The following HMCN2 variants were observed in gnomAD, a reference collection of about 807,000 sequenced individuals.
HMCN2 encodes the protein hemicentin 2.
HMCN2 carries 325 observed loss-of-function variants against 377.5 expected under a neutral mutation model. The observed-to-expected ratio is 0.86, with a 90% CI of 0.79 to 0.94. HMCN2 has a LOEUF of 0.94. Among genes scored for constraint, HMCN2 ranks in the 40% least tolerant of loss-of-function variants. HMCN2 has a pLI of 0.00. For missense variants in HMCN2, 4,543 were observed against 4,725.3 expected (o/e 0.96, Z 1.13); for synonymous variants, 2,007 against 2,046.8 (o/e 0.98, Z 0.53).
At position 130,361,613 on chromosome 9, in the gene HMCN2, G is replaced by A. The variant is rs1170953059; in HGVS notation, c.5951-395G>A. 1.3e-5 allele frequency among the ~76,000 whole-genome samples: 2 copies of A among 152,174 alleles called. No homozygotes were observed. Among genetic ancestry groups the A allele is most frequent in the Non-Finnish European group, 1.5e-5 (1 of 68,030 alleles). On this transcript the variant is annotated intron_variant, in intron 38 of 97. Coordinates refer to ENST00000683500, the MANE Select transcript of HMCN2 (RefSeq NM_001291815.2). The surrounding 1 kb of genome is among the most constrained non-coding windows in gnomAD (Gnocchi z 4.8). ...ATCTTCTGGCTATTTTCTGCCAAAA[G>A]GGGACTGCCTGTAATATGGTATTTC...
intron 66 of HMCN2, among the ~76,000 whole-genome samples, chr9:130,392,986 ACACCATCT>A (rs1249861906): frequency 3.3e-5 from 5 of 151,256 alleles, no homozygotes; most frequent in African/African-American, 4.9e-5. Context: ...ACAGAGTGAG[ACACCATCT>A]CACCATCTCA....
Position 130,407,614 on chromosome 9 carries a change from C to T in HMCN2, c.12597C>T (p.Ala4199=), listed in dbSNP as rs1162681229. 1.9e-5 allele frequency: 25 copies of T among 1,288,980 alleles called. No homozygotes were observed. The highest frequency in any genetic ancestry group is 1.1e-4 in the East Asian group (2 of 17,964). The allele number at this position is 1,288,980 out of a possible 1,614,324, so 79.8% of individuals were successfully genotyped here. ...EQDGGSTLQR[A]AVSREDSGTY... is the part of the protein sequence containing the mutation. The stretch of plus-strand genomic sequence containing the variant: ...ATGGAGGCAGCACGCTGCAGCGGGC[C>T]GCTGTCTCCAGAGAAGACAGCGGGA... The change falls in exon 83 of 98, where the codon GCC becomes GCT. Residue 4199 remains alanine (A), a synonymous_variant. Transcript: ENST00000683500.
intron 86 of HMCN2, 65 bp downstream of exon 86, chr9:130,419,106 G>A (rs1388189299): frequency 1.4e-6 from 2 of 1,418,128 alleles, no homozygotes; most frequent in Middle Eastern, 1.8e-4. Flanking sequence ...TGGGGATTGT[G>A]TGGTGCTTAT....
chr9:130,365,834 C>A, intron 42 of HMCN2, 42 bp from the exon 43 acceptor site: 1 of 984,554 alleles, frequency 1.0e-6, no homozygotes, highest in Non-Finnish European at 1.2e-6. Context: ...CCCTCCCCAT[C>A]TCAGCCCCAC....
chr9:130,311,166 C>T (rs945682550), intron 15 of HMCN2, among the ~76,000 whole-genome samples: 143 of 152,318 alleles, frequency 9.4e-4, no homozygotes, highest in African/African-American at 3.3e-3. Context: ...GCCGAGGCCA[C>T]GGCGAGAGAG....
At chr9:130,267,696 C>G (rs1834197149) in intron 1 of HMCN2, among the ~76,000 whole-genome samples, 1 of 152,258 alleles carries the variant, frequency 6.6e-6, no homozygotes, top group African/African-American at 2.4e-5. Context: ...GGAGGCCCCT[C>G]TGCTTCCAGG....
chr9:130,335,601 G>C (rs1339430073), intron 22 of HMCN2, among the ~76,000 whole-genome samples: 2 of 152,038 alleles, frequency 1.3e-5, no homozygotes, highest in Non-Finnish European at 2.9e-5. Flanking sequence ...GTGATGTCTC[G>C]GTATTGAAAG....
At position 130,385,687 on chromosome 9, in the gene HMCN2, T is replaced by A; in HGVS notation, c.9234T>A (p.Asp3078Glu). ...AGCCAACTGTGACCTGGTACAAGGA[T>A]GGGCAGCCCCTGGTCCTGGCACAGC... ...LPEPTVTWYKDGQPLVLAQRT... is the reference protein window; with the variant it reads ...LPEPTVTWYKEGQPLVLAQRT... Residue 3078 changes from aspartate to glutamate, a missense_variant, in exon 60 of 98, where the codon GAT becomes GAA. Physicochemically the swap from Asp to Glu is conservative, Grantham distance 45. This residue lies in a region of HMCN2 where 736 missense variants were observed against 773.2 expected (regional missense o/e 0.95). Coordinates refer to ENST00000683500, the MANE Select transcript of HMCN2 (RefSeq NM_001291815.2). 1 of 1,304,140 alleles carries A rather than the reference T, an allele frequency of 7.7e-7. No individual in the cohort carries two copies. The highest frequency in any genetic ancestry group is 1.0e-6 in the Non-Finnish European group (1 of 988,918). The allele number at this position is 1,304,140 out of a possible 1,614,324, so 80.8% of individuals were successfully genotyped here.
chr9:130,328,291 G>A (rs1838254246), intron 22 of HMCN2, among the ~76,000 whole-genome samples: 1 of 152,188 alleles, frequency 6.6e-6, no homozygotes, highest in East Asian at 1.9e-4. Context: ...TCTTGGCATT[G>A]CTGCAGCTCT....
intron 35 of HMCN2, 103 bp from the exon 36 acceptor site, chr9:130,358,287 C>A: frequency 7.9e-7 from 1 of 1,269,712 alleles, no homozygotes; most frequent in South Asian, 1.3e-5. Flanking sequence ...GTCCCCATGC[C>A]TCACTGCTCC....
At chr9:130,375,418 G>T in intron 49 of HMCN2, 145 bp from the exon 50 acceptor site, 1 of 341,170 alleles carries the variant, frequency 2.9e-6, no homozygotes, top group Non-Finnish European at 4.2e-6. Flanking sequence ...CCCGGGCATG[G>T]GCTTCTCTGA....
chr9:130,373,732 GGTAGGTGGATGGATA>G (rs1364882839), intron 48 of HMCN2, among the ~76,000 whole-genome samples: 46 of 62,842 alleles, frequency 7.3e-4, no homozygotes, highest in Middle Eastern at 7.9e-3. Context: ...TGGATGGATA[GGTAGGTGGATGGATA>G]GATGGATAGG....
chr9:130,403,648 T>C (rs113540443), intron 79 of HMCN2, 93 bp from the exon 80 acceptor site: 3 of 1,190,618 alleles, frequency 2.5e-6, no homozygotes, highest in African/African-American at 3.2e-5. Flanking sequence ...AGCAAGTCAT[T>C]TGCTGCCTGT....
chr9:130,348,364 C>T (rs1214226894), intron 26 of HMCN2, 181 bp from the exon 27 acceptor site: 17 of 877,458 alleles, frequency 1.9e-5, no homozygotes, highest in Non-Finnish European at 2.2e-5. Flanking sequence ...GTGTGGGTCC[C>T]AGGGCAAGGC....
At chr9:130,376,020 T>C in intron 51 of HMCN2, 31 bp downstream of exon 51, 1 of 960,310 alleles carries the variant, frequency 1.0e-6, no homozygotes, top group Non-Finnish European at 1.2e-6. Context: ...CACAGCCGGG[T>C]GGGCAGAAGA....
At chr9:130,301,442 C>T (rs2131335068) in intron 8 of HMCN2, among the ~76,000 whole-genome samples, 1 of 152,364 alleles carries the variant, frequency 6.6e-6, no homozygotes, top group South Asian at 2.1e-4. Context: ...CCTTCCCCGC[C>T]CTCCAGGTCT....
At chr9:130,288,985 A>G (rs1554929026) in intron 4 of HMCN2, among the ~76,000 whole-genome samples, 1 of 152,122 alleles carries the variant, frequency 6.6e-6, no homozygotes. Context: ...AAGTCCAAGC[A>G]CCTGCTGTGC....
chr9:130,310,135 A>T, intron 15 of HMCN2, 74 bp downstream of exon 15: 1 of 431,128 alleles, frequency 2.3e-6, no homozygotes, highest in Admixed American at 2.4e-5. Flanking sequence ...CTGAGTAGGG[A>T]GGGGAAGCTC....
Position 130,403,776 on chromosome 9 carries a change from C to T in HMCN2, c.12049C>T (p.Arg4017Trp), listed in dbSNP as rs759760826. Residue 4017 changes from arginine (R) to tryptophan (W), a missense_variant, in exon 80 of 98, where the codon CGG becomes TGG. Physicochemically the swap from Arg to Trp is moderately radical, Grantham distance 101 (BLOSUM62 -3). This residue lies in a region of HMCN2 where 1,073 missense variants were observed against 1,319.5 expected (regional missense o/e 0.81). Transcript: ENST00000683500. ...CCAGGTCCTACCAGGCGGACAGCTG[C>T]GGATTGCCCATGCCAGCCCAGAGGA... ...STQVLPGGQL[R>W]IAHASPEDAG... 1.6e-5 allele frequency: 21 copies of T among 1,289,812 alleles called. No individual in the cohort carries two copies. The highest frequency in any genetic ancestry group is 5.6e-5 in the East Asian group (1 of 18,018). The allele number at this position is 1,289,812 out of a possible 1,614,324, so 79.9% of individuals were successfully genotyped here.
Sources: allele counts gnomAD v4.1 joint callset (sites outside exome capture counted in the v4.1 genomes callset), GRCh38; gene constraint gnomAD v4.1.1; regional missense constraint gnomAD v4.1.1; non-coding constraint Gnocchi (gnomAD v3.1); transcripts MANE v1.5; gene names NCBI Gene and HGNC (gene_info 2026-07-23, HGNC 2026-07-21).